Variants in DNAI3 observed in about 807,000 individuals in gnomAD.
DNAI3 encodes dynein axonemal intermediate chain 3, also known as WD repeat domain 63.
A neutral mutation model predicts 115.5 loss-of-function variants in DNAI3; 83 were observed. The ratio of observed to expected loss-of-function variants is 0.72; its 90% CI spans 0.60 to 0.86. DNAI3 has a LOEUF of 0.86. Ranked by LOEUF, DNAI3 falls within the 40% of genes least tolerant of loss-of-function variation. DNAI3 has a pLI of 0.00. For synonymous variants in DNAI3, 320 were observed against 347.0 expected (o/e 0.92, Z 0.86); for missense variants, 1,004 against 1,075.8 (o/e 0.93, Z 0.93).
At chr1:85,077,046 C>A (rs1266821632) in intron 3 of DNAI3, among the ~76,000 whole-genome samples, 3 of 152,154 alleles carry the variant, frequency 2.0e-5, no homozygotes, top group Non-Finnish European at 4.4e-5. Context: ...CATTTCCTTA[C>A]ATAGGGCTGT....
chr1:85,117,994 C>A (rs1655883647), intron 17 of DNAI3, 135 bp downstream of exon 17: 1 of 1,103,872 alleles, frequency 9.1e-7, no homozygotes, highest in Non-Finnish European at 1.3e-6. Context: ...TGCTTGTTTG[C>A]ATTAAACATT....
chr1:85,124,393 G>C, intron 19 of DNAI3, 142 bp downstream of exon 19: 1 of 1,130,402 alleles, frequency 8.8e-7, no homozygotes. Context: ...ACACCAGCTT[G>C]TCAGCAGAAC....
chr1:85,122,072 G>A (rs559789618), intron 18 of DNAI3, among the ~76,000 whole-genome samples: 2 of 152,178 alleles, frequency 1.3e-5, no homozygotes, highest in East Asian at 1.9e-4. Flanking sequence ...ATTTTCCAGG[G>A]TATTTGTTTT....
chr1:85,087,363 G>A (rs1264586193), intron 7 of DNAI3, among the ~76,000 whole-genome samples: 4 of 143,546 alleles, frequency 2.8e-5, no homozygotes, highest in East Asian at 2.1e-4. Flanking sequence ...TTGAACCCGC[G>A]AGGTAGAGGT....
chr1:85,066,538 C>T (rs1006195022), intron 1 of DNAI3, among the ~76,000 whole-genome samples: 8 of 151,836 alleles, frequency 5.3e-5, no homozygotes, highest in African/African-American at 1.9e-4. Flanking sequence ...CTGTGTTAGC[C>T]AGGATGGTCT....
At chr1:85,103,396 C>A (rs915604162) in intron 13 of DNAI3, among the ~76,000 whole-genome samples, 1 of 152,096 alleles carries the variant, frequency 6.6e-6, no homozygotes, top group Non-Finnish European at 1.5e-5. Flanking sequence ...TCAGGTCTTA[C>A]AACAGTCATG....
intron 19 of DNAI3, among the ~76,000 whole-genome samples, chr1:85,124,926 C>G (rs1460258393): frequency 6.6e-6 from 1 of 152,130 alleles, no homozygotes; most frequent in Non-Finnish European, 1.5e-5. Flanking sequence ...ATCTTTCCCT[C>G]TGCACCAGGA....
chr1:85,117,675 T>C (rs1456321869), intron 16 of DNAI3, 54 bp from the exon 17 acceptor site: 1 of 1,593,846 alleles, frequency 6.3e-7, no homozygotes, highest in Non-Finnish European at 8.6e-7. Context: ...GTCTATATTT[T>C]AAAAGATGTT....
chr1:85,085,179 T>C (rs1205126479), intron 6 of DNAI3, among the ~76,000 whole-genome samples: 1 of 152,188 alleles, frequency 6.6e-6, no homozygotes, highest in Non-Finnish European at 1.5e-5. Flanking sequence ...AGATTCTCCC[T>C]CAGAGCCTTC....
At position 85,133,067 on chromosome 1, in the gene DNAI3, A is replaced by T; in HGVS notation, c.*69A>T. 1 of 1,507,888 alleles carries T rather than the reference A, an allele frequency of 6.6e-7. No homozygotes were observed. Among genetic ancestry groups the T allele is most frequent in the Non-Finnish European group, 8.9e-7 (1 of 1,120,460 alleles). 93.4% of individuals were successfully genotyped at this position (1,507,888 alleles called of 1,614,324 possible). ...TTATTTTTATGTCAGGTGAACTGGC[A>T]TGCTGAACATATATATATATAGGCT... On this transcript the variant is annotated 3_prime_UTR_variant, in exon 23 of 23. Transcript: ENST00000294664.
chr1:85,071,537 C>A (rs1654272872), intron 1 of DNAI3, among the ~76,000 whole-genome samples: 1 of 152,212 alleles, frequency 6.6e-6, no homozygotes, highest in Non-Finnish European at 1.5e-5. Flanking sequence ...CCTATCTTGT[C>A]TTTGTAGCTG....
chr1:85,120,791 G>C (rs914673938), intron 17 of DNAI3, among the ~76,000 whole-genome samples: 1 of 152,108 alleles, frequency 6.6e-6, no homozygotes, highest in Non-Finnish European at 1.5e-5. Context: ...GCTTGTCCTT[G>C]GATTTGGAAT....
intron 21 of DNAI3, among the ~76,000 whole-genome samples, chr1:85,129,231 AC>A (rs11438600): frequency 6.6e-6 from 1 of 151,874 alleles, no homozygotes; most frequent in African/African-American, 2.4e-5. Flanking sequence ...GGTATTCTGC[AC>A]CCCCCACACT....
intron 3 of DNAI3, among the ~76,000 whole-genome samples, chr1:85,074,105 C>T (rs1187912540): frequency 6.6e-6 from 1 of 152,144 alleles, no homozygotes; most frequent in Non-Finnish European, 1.5e-5. Flanking sequence ...TCAAACCACC[C>T]CAACTTATGT....
In DNAI3 at chr1:85,130,148, C is replaced by T. The variant is rs750437205; in HGVS notation, c.2532+36C>T. 5.6e-6 allele frequency: 9 copies of T among 1,611,160 alleles called. No homozygotes were observed. In the East Asian group the frequency reaches 8.9e-5, roughly 16 times the overall value. The stretch of plus-strand genomic sequence containing the variant: ...TTTCAGAAATGAAAGATGTTTTCCT[C>T]GAACACCAGTGGAAATATATTTGTT... On this transcript the variant is annotated intron_variant, in intron 22 of 22. Coordinates refer to ENST00000294664, the MANE Select transcript of DNAI3 (RefSeq NM_145172.5).
rs200345578 is a variant in DNAI3, at chr1:85,101,885, A to G, written c.1480-2639A>G. 2.0e-4 allele frequency among the ~76,000 whole-genome samples: 31 copies of G among 152,126 alleles called. No individual in the cohort carries two copies. The East Asian group carries it at 5.8e-3, about 28-fold the overall frequency. ...AATGATTGACAGATTCAAAATATAC[A>G]CATATAAATTTCTAAATTAAGAAAT... On this transcript the variant is annotated intron_variant, in intron 13 of 22. Transcript: ENST00000294664.
intron 13 of DNAI3, among the ~76,000 whole-genome samples, chr1:85,103,981 C>T (rs1205886755): frequency 6.7e-6 from 1 of 150,130 alleles, no homozygotes; most frequent in African/African-American, 2.4e-5. Context: ...GGAAAAATCT[C>T]AGTATAAAAA....
intron 18 of DNAI3, 28 bp downstream of exon 18, chr1:85,121,842 A>AAAGACG: frequency 1.2e-6 from 2 of 1,610,930 alleles, no homozygotes; most frequent in Non-Finnish European, 1.7e-6. Context: ...CCTGTTATTA[A>AAAGACG]TAAGATGTTC....
chr1:85,098,230 A>G (rs768362314), intron 12 of DNAI3, among the ~76,000 whole-genome samples: 2 of 152,220 alleles, frequency 1.3e-5, no homozygotes, highest in Non-Finnish European at 2.9e-5. Flanking sequence ...AAGAATGGTG[A>G]GATGCAGCCT....
Sources: allele counts gnomAD v4.1 joint callset (sites outside exome capture counted in the v4.1 genomes callset), GRCh38; gene constraint gnomAD v4.1.1; transcripts MANE v1.5; gene names NCBI Gene and HGNC (gene_info 2026-07-23, HGNC 2026-07-21).